The following ATXN3 variants were observed in gnomAD, a reference collection of about 807,000 sequenced individuals.
ATXN3 encodes ataxin-3.
In ATXN3, 28 loss-of-function variants were observed where a neutral mutation model predicts 58.2. That is an observed-to-expected ratio of 0.48 (90% CI 0.36 to 0.66). ATXN3 has a LOEUF of 0.66. ATXN3 is among the 30% of genes least tolerant of loss of function. ATXN3 has a pLI of 0.00. For missense variants in ATXN3, 321 were observed against 422.1 expected (o/e 0.76, Z 2.10); for synonymous variants, 113 against 138.5 (o/e 0.82, Z 1.29).
intron 9 of ATXN3, chr14:92,080,462 A>C (rs1250438583): frequency 6.5e-6 from 1 of 153,340 alleles, no homozygotes; most frequent in East Asian, 1.9e-4. Flanking sequence ...AGTTTAAAAA[A>C]TTTATCCAGT....
At chr14:92,066,534 A>T (rs562941621) in intron 10 of ATXN3, among the ~76,000 whole-genome samples, 1 of 150,218 alleles carries the variant, frequency 6.7e-6, no homozygotes, top group Non-Finnish European at 1.5e-5. Flanking sequence ...ACAAATCGTT[A>T]ATTTTCCCTT....
chr14:92,097,194 C>G (rs2065589618), intron 1 of ATXN3, among the ~76,000 whole-genome samples: 1 of 151,844 alleles, frequency 6.6e-6, no homozygotes, highest in Non-Finnish European at 1.5e-5. Context: ...CAGGCGTGAG[C>G]CACTGCGCCC....
At chr14:92,093,384 AATATT>A in intron 4 of ATXN3, 66 bp from the exon 5 acceptor site, 1 of 776,824 alleles carries the variant, frequency 1.3e-6, no homozygotes, top group South Asian at 1.8e-5. Context: ...TCTACTGGCA[AATATT>A]ATATAAAATT....
At chr14:92,071,171 T>A (rs1394073138) in intron 9 of ATXN3, 118 bp from the exon 10 acceptor site, 2 of 1,429,064 alleles carry the variant, frequency 1.4e-6, no homozygotes, top group Non-Finnish European at 1.9e-6. Context: ...TAGTCACTGG[T>A]ATTAAAAGAA....
intron 1 of ATXN3, among the ~76,000 whole-genome samples, chr14:92,101,033 AAT>A (rs1491329806): frequency 1.5e-4 from 21 of 139,896 alleles, no homozygotes; most frequent in African/African-American, 4.2e-4. Context: ...CTCTATAAAA[AAT>A]AGCTTTAAAT....
At chr14:92,105,012 A>G (rs577161760) in intron 1 of ATXN3, among the ~76,000 whole-genome samples, 50 of 152,186 alleles carry the variant, frequency 3.3e-4, no homozygotes, top group Admixed American at 1.6e-3. Flanking sequence ...TTTACGAGTC[A>G]TGTCAATCAA....
chr14:92,066,097 A>AAT (rs373856745), intron 10 of ATXN3, among the ~76,000 whole-genome samples: 37,195 of 151,204 alleles, frequency 0.25, 4,621 homozygotes, highest in East Asian at 0.33. Flanking sequence ...TACTAAAAAA[A>AAT]AAATAAATAA....
chr14:92,087,739 G>A (rs2062906166), intron 6 of ATXN3, among the ~76,000 whole-genome samples: 1 of 152,156 alleles, frequency 6.6e-6, no homozygotes, highest in Non-Finnish European at 1.5e-5. Context: ...GGGCCCCACA[G>A]TAGGGTTTAA....
At chr14:92,066,692 C>T (rs2058503606) in intron 10 of ATXN3, among the ~76,000 whole-genome samples, 2 of 150,570 alleles carry the variant, frequency 1.3e-5, no homozygotes, top group Non-Finnish European at 3.0e-5. Flanking sequence ...ACTGCAACCT[C>T]CACCTCCTGG....
At chr14:92,091,754 G>A (rs1459121007) in intron 5 of ATXN3, among the ~76,000 whole-genome samples, 1 of 152,056 alleles carries the variant, frequency 6.6e-6, no homozygotes, top group Non-Finnish European at 1.5e-5. Context: ...CTGGAGTGCA[G>A]TAGCACGATC....
chr14:92,070,260 A>G (rs1005905844), intron 10 of ATXN3, among the ~76,000 whole-genome samples: 2 of 152,076 alleles, frequency 1.3e-5, no homozygotes, highest in African/African-American at 4.8e-5. Context: ...AGGTGGTAAA[A>G]TGTGTTTATT....
Position 92,082,447 on chromosome 14 carries a change from C to G in ATXN3, c.628G>C (p.Glu210Gln). 1 of 1,613,958 alleles carries G rather than the reference C, an allele frequency of 6.2e-7. No individual in the cohort carries two copies. Among genetic ancestry groups the G allele is most frequent in the Non-Finnish European group, 8.5e-7 (1 of 1,179,926 alleles). ...CCATCATTTGCTTCTAACACTCGTT[C>G]CAGGTCTGTTTTATGGACTCTAAAG... ...KEQRVHKTDL[E>Q]RVLEANDGSG... Residue 210 changes from glutamate (E) to glutamine (Q), a missense_variant, in exon 8 of 11, where the codon GAA (glutamate) becomes CAA (glutamine). Transcript: ENST00000644486.
At chr14:92,089,112 G>C (rs2063202871) in intron 5 of ATXN3, among the ~76,000 whole-genome samples, 2 of 151,520 alleles carry the variant, frequency 1.3e-5, no homozygotes, top group Non-Finnish European at 2.9e-5. Context: ...TGCCTCCCAG[G>C]TTCAAGTGAT....
chr14:92,053,646 G>A (rs2057455850), downstream of ATXN3, among the ~76,000 whole-genome samples: 2 of 151,868 alleles, frequency 1.3e-5, no homozygotes, highest in African/African-American at 4.8e-5. Context: ...ACAGGTGCAT[G>A]CCACCATACC....
At chr14:92,050,850 G>A (rs1162573210), upstream of ATXN3, among the ~76,000 whole-genome samples, 1 of 152,190 alleles carries the variant, frequency 6.6e-6, no homozygotes, top group Non-Finnish European at 1.5e-5. Context: ...CTGACTTGAA[G>A]TGAGCCATCG....
In ATXN3 at chr14:92,081,381, G is replaced by A. The variant is rs2061424654; in HGVS notation, c.776-320C>T. 6.7e-5 allele frequency among the ~76,000 whole-genome samples: 10 copies of A among 148,590 alleles called. No homozygotes were observed. In the Admixed American group the frequency reaches 6.9e-4, roughly 10 times the overall value. ...CCAGCTACTCAGGAGGCTGAGGCAG[G>A]AGAATCGCTTGAACCTCGGAGGCAG... On this transcript the variant is annotated intron_variant, in intron 8 of 10. Coordinates refer to ENST00000644486, the MANE Select transcript of ATXN3 (RefSeq NM_004993.6).
intron 6 of ATXN3, among the ~76,000 whole-genome samples, chr14:92,086,928 G>T (rs2062724415): frequency 6.6e-6 from 1 of 152,122 alleles, no homozygotes; most frequent in African/African-American, 2.4e-5. Context: ...GACTGGTTTT[G>T]GTTAGAGGTA....
At chr14:92,099,167 G>T (rs1206512943) in intron 1 of ATXN3, among the ~76,000 whole-genome samples, 1 of 152,122 alleles carries the variant, frequency 6.6e-6, no homozygotes, top group Non-Finnish European at 1.5e-5. Context: ...TCCCCAATAA[G>T]GTCTATTCCT....
upstream of ATXN3, among the ~76,000 whole-genome samples, chr14:92,051,975 T>C (rs145066663): frequency 5.0e-3 from 765 of 151,698 alleles, 4 homozygotes; most frequent in African/African-American, 0.018. Flanking sequence ...TGCACCCGCC[T>C]TGGCCTCCCA....
Sources: gnomAD v4.1 joint callset for allele counts (sites outside exome capture counted in the v4.1 genomes callset) on GRCh38, gnomAD v4.1.1 for gene constraint, MANE v1.5 for transcripts, NCBI Gene and HGNC (gene_info 2026-07-23, HGNC 2026-07-21) for gene names.